The following PRKAG2 variants were observed in gnomAD, a reference collection of about 807,000 sequenced individuals.
PRKAG2 encodes 5'-AMP-activated protein kinase subunit gamma-2.
In PRKAG2, 26 loss-of-function variants were observed where a neutral mutation model predicts 69.6. The ratio of observed to expected loss-of-function variants is 0.37; its 90% CI spans 0.27 to 0.52. PRKAG2 has a LOEUF of 0.52. Among genes scored for constraint, PRKAG2 ranks in the 20% least tolerant of loss-of-function variants. The pLI, the probability that PRKAG2 is intolerant of heterozygous loss-of-function variation, is 0.90. For synonymous variants in PRKAG2, 293 were observed against 285.0 expected (o/e 1.03, Z -0.28); for missense variants, 557 against 740.0 (o/e 0.75, Z 2.87).
chr7:151,651,852 G>A (rs572684580), intron 4 of PRKAG2, among the ~76,000 whole-genome samples: 2 of 151,868 alleles, frequency 1.3e-5, no homozygotes, highest in South Asian at 2.1e-4. Context: ...TATAAACAGT[G>A]AAACTCATAA....
At chr7:151,615,749 G>T (rs150140614) in intron 5 of PRKAG2, among the ~76,000 whole-genome samples, 24 of 152,258 alleles carry the variant, frequency 1.6e-4, no homozygotes, top group Middle Eastern at 3.4e-3. Flanking sequence ...TAAAAAGTGG[G>T]CAAAGGACAT....
chr7:151,832,641 G>A (rs568105956), intron 1 of PRKAG2, among the ~76,000 whole-genome samples: 207 of 151,136 alleles, frequency 1.4e-3, no homozygotes, highest in African/African-American at 4.7e-3. Context: ...CTTCCACAGC[G>A]TGAGCCCCCC....
intron 3 of PRKAG2, among the ~76,000 whole-genome samples, chr7:151,741,375 C>T (rs149278303): frequency 7.0e-4 from 106 of 152,048 alleles, no homozygotes; most frequent in African/African-American, 2.3e-3. Context: ...CATAATACAA[C>T]GGACAGAAAG....
chr7:151,617,927 AGTGTT>A (rs1411870183), intron 5 of PRKAG2, among the ~76,000 whole-genome samples: 1 of 152,248 alleles, frequency 6.6e-6, no homozygotes, highest in Non-Finnish European at 1.5e-5. Flanking sequence ...ATATTTATAT[AGTGTT>A]TTCTCTTTTT....
rs1422513674 is a variant in PRKAG2, at chr7:151,614,755, C to T, written c.754+17314G>A. ...GGGACTCCACCTGGGCCTTCTGAGT[C>T]CCCATCACCAGCAACCACCTGGCAC... On this transcript the variant is annotated intron_variant, in intron 5 of 15. Coordinates refer to ENST00000287878, the MANE Select transcript of PRKAG2 (RefSeq NM_016203.4). The surrounding 1 kb of genome is among the most constrained non-coding windows in gnomAD (Gnocchi z 4.4). Among the ~76,000 whole-genome samples the T allele has an allele frequency of 1.3e-5, 2 of 152,240 alleles. No individual in the cohort carries two copies. The highest frequency in any genetic ancestry group is 2.9e-5 in the Non-Finnish European group (2 of 68,042).
At chr7:151,654,392 T>C (rs112800919) in intron 4 of PRKAG2, among the ~76,000 whole-genome samples, 4 of 152,266 alleles carry the variant, frequency 2.6e-5, no homozygotes, top group African/African-American at 9.6e-5. Context: ...TTCTATTTTT[T>C]CTCTATGCCT....
rs924881150 is a variant in PRKAG2 at position 151,638,789 on chromosome 7, C to T, written c.685-6651G>A. Among the ~76,000 whole-genome samples, 6 of 152,142 alleles carry T rather than the reference C, an allele frequency of 3.9e-5. No individual in the cohort carries two copies. The highest frequency in any genetic ancestry group is 5.9e-5 in the Non-Finnish European group (4 of 68,024). On this transcript the variant is annotated intron_variant, in intron 4 of 15. Transcript: ENST00000287878. This position sits in a 1 kb window ranked among gnomAD's most constrained non-coding sequence, Gnocchi z 4.3. ...AAAGCACTCCTTTACGCACAGAGGT[C>T]GGATATGAGTTTGCTCTGCCTCTTA...
At chr7:151,659,374 C>T (rs907713594) in intron 4 of PRKAG2, among the ~76,000 whole-genome samples, 2 of 152,116 alleles carry the variant, frequency 1.3e-5, no homozygotes, top group East Asian at 1.9e-4. Flanking sequence ...TCCACCACTC[C>T]CATTTAAGTC....
intron 3 of PRKAG2, among the ~76,000 whole-genome samples, chr7:151,678,869 G>A (rs1833379015): frequency 6.6e-6 from 1 of 152,136 alleles, no homozygotes; most frequent in Non-Finnish European, 1.5e-5. Context: ...TGAGGCAGGA[G>A]AATCGCTTGA....
rs537426104 is a variant in PRKAG2, at chr7:151,865,933, T to G, written c.114+10574A>C. Among the ~76,000 whole-genome samples, 8 of 147,970 alleles carry G rather than the reference T, an allele frequency of 5.4e-5. No homozygotes were observed. The South Asian group carries it at 1.7e-3, about 31-fold the overall frequency. On this transcript the variant is annotated intron_variant, in intron 1 of 15. Coordinates refer to ENST00000287878, the MANE Select transcript of PRKAG2 (RefSeq NM_016203.4). Reference sequence around the variant, plus strand: ...TACTCGGGAGGCTGAGGCAGGAGAATGGTGTGAACCTGGGAGGCGGAGCTT... The same window carrying G: ...TACTCGGGAGGCTGAGGCAGGAGAAGGGTGTGAACCTGGGAGGCGGAGCTT...
intron 3 of PRKAG2, among the ~76,000 whole-genome samples, chr7:151,740,538 C>T: frequency 6.6e-6 from 1 of 152,242 alleles, no homozygotes; most frequent in East Asian, 1.9e-4. Context: ...TGCCTCCTTT[C>T]TCCTGCTGGG....
Position 151,589,707 on chromosome 7 carries a change from G to A in PRKAG2, c.864+5638C>T, listed in dbSNP as rs754840783. Among the ~76,000 whole-genome samples the A allele has an allele frequency of 4.6e-5, 7 of 152,308 alleles. 1 individual carries two copies. Among genetic ancestry groups the A allele is most frequent in the African/African-American group, 7.2e-5 (3 of 41,574 alleles). On this transcript the variant is annotated intron_variant, in intron 6 of 15. Transcript: ENST00000287878. The stretch of plus-strand genomic sequence containing the variant: ...TCCCAGCACTTTGGGAGGCTGAGGC[G>A]GGCAGGTCAAGAGGCCAGGAGTTTC...
chr7:151,730,616 G>A (rs1338281903), intron 3 of PRKAG2, among the ~76,000 whole-genome samples: 1 of 152,160 alleles, frequency 6.6e-6, no homozygotes, highest in Non-Finnish European at 1.5e-5. Flanking sequence ...AGCCAGGCCA[G>A]CAGATGGGCG....
chr7:151,851,243 C>T (rs1446351875), intron 1 of PRKAG2, among the ~76,000 whole-genome samples: 9 of 151,962 alleles, frequency 5.9e-5, no homozygotes, highest in South Asian at 2.1e-4. Flanking sequence ...CACAACTTTC[C>T]GGAACTGGAG....
chr7:151,584,722 C>A (rs1811243118), intron 6 of PRKAG2, among the ~76,000 whole-genome samples: 1 of 151,972 alleles, frequency 6.6e-6, no homozygotes, highest in Non-Finnish European at 1.5e-5. Context: ...CATAGCAAAA[C>A]CCTGCCTCTA....
At chr7:151,561,133 C>G (rs1306075801) in intron 14 of PRKAG2, among the ~76,000 whole-genome samples, 1 of 152,168 alleles carries the variant, frequency 6.6e-6, no homozygotes, top group Admixed American at 6.5e-5. Context: ...TATCTCCTGT[C>G]TCTAATGATA....
At chr7:151,639,430 G>A (rs762230061) in intron 4 of PRKAG2, among the ~76,000 whole-genome samples, 8 of 152,210 alleles carry the variant, frequency 5.3e-5, no homozygotes, top group Admixed American at 1.3e-4. Context: ...AACCGGTAAA[G>A]CATTATTTCT....
intron 5 of PRKAG2, among the ~76,000 whole-genome samples, chr7:151,608,012 G>A (rs1166158634): frequency 6.6e-6 from 1 of 152,196 alleles, no homozygotes; most frequent in Non-Finnish European, 1.5e-5. Flanking sequence ...CCAATGACAA[G>A]TGTCCTTATA....
chr7:151,604,524 G>C (rs1385265577), intron 5 of PRKAG2, among the ~76,000 whole-genome samples: 3 of 152,004 alleles, frequency 2.0e-5, no homozygotes, highest in Non-Finnish European at 2.9e-5. Flanking sequence ...TATGGCCCCA[G>C]CCTACTCAGG....
Sources: allele counts gnomAD v4.1 joint callset (sites outside exome capture counted in the v4.1 genomes callset), GRCh38; gene constraint gnomAD v4.1.1; non-coding constraint Gnocchi (gnomAD v3.1); transcripts MANE v1.5; gene names NCBI Gene and HGNC (gene_info 2026-07-23, HGNC 2026-07-21).